SLC8A1: variants seen among roughly 807,000 people sequenced by gnomAD.
SLC8A1 encodes the protein solute carrier family 8 member A1.
Under a neutral mutation model 68.3 loss-of-function variants are expected in SLC8A1, and 18 were observed. The observed-to-expected ratio is 0.26, with a 90% CI of 0.18 to 0.39. The LOEUF (loss-of-function observed/expected upper bound fraction) is 0.39, where lower values mean the gene tolerates loss of function less well. Among genes scored for constraint, SLC8A1 ranks in the 10% least tolerant of loss-of-function variants. The pLI, the probability that SLC8A1 is intolerant of heterozygous loss-of-function variation, is 1.00. For missense variants in SLC8A1, 985 were observed against 1,156.7 expected, an observed-to-expected ratio of 0.85 and a Z score of 2.15; for synonymous variants, 475 against 415.5, an observed-to-expected ratio of 1.14 and a Z score of -1.74.
intron 2 of SLC8A1, among the ~76,000 whole-genome samples, chr2:40,395,610 C>A (rs1686662345): frequency 6.6e-6 from 1 of 152,070 alleles, no homozygotes; most frequent in Admixed American, 6.6e-5. Context: ...AGGTTCCCAT[C>A]TGACATATTT....
chr2:40,415,426 GAA>G (rs564724684), intron 2 of SLC8A1, among the ~76,000 whole-genome samples: 5 of 137,252 alleles, frequency 3.6e-5, no homozygotes, highest in Non-Finnish European at 3.2e-5. Flanking sequence ...AATCCATATG[GAA>G]AAAAAAAAAA....
At chr2:40,324,527 T>C (rs1254072801) in intron 2 of SLC8A1, among the ~76,000 whole-genome samples, 1 of 152,180 alleles carries the variant, frequency 6.6e-6, no homozygotes, top group Non-Finnish European at 1.5e-5. Flanking sequence ...ATGTCATAGA[T>C]TCCTGCTCTA....
At chr2:40,348,794 C>T (rs74518573) in intron 2 of SLC8A1, among the ~76,000 whole-genome samples, 184 of 152,250 alleles carry the variant, frequency 1.2e-3, no homozygotes, top group African/African-American at 4.3e-3. Flanking sequence ...GGTATTCAGT[C>T]TGGAGGAAAG....
At chr2:40,302,260 T>C (rs569416727) in intron 2 of SLC8A1, among the ~76,000 whole-genome samples, 9 of 151,936 alleles carry the variant, frequency 5.9e-5, no homozygotes, top group Non-Finnish European at 1.2e-4. Flanking sequence ...CTAAAATCCA[T>C]TGTATCATTT....
rs554854951 is a variant in SLC8A1, at chr2:40,298,907, C to T, written c.1809-121052G>A. 1.2e-4 allele frequency among the ~76,000 whole-genome samples: 19 copies of T among 152,290 alleles called. No homozygotes were observed. The South Asian group carries it at 3.7e-3, about 30-fold the overall frequency. ...CACTCTGGCCTTGGCCTTATCAATT[C>T]GCCTTCCCCTCCTTGCTGACCCCAC... is the stretch of plus-strand genomic sequence containing the variant. On this transcript the variant is annotated intron_variant, in intron 2 of 7. Coordinates refer to ENST00000406785, the Ensembl canonical transcript of SLC8A1.
At position 40,445,185 on chromosome 2, in the gene SLC8A1, G is replaced by A. The variant is rs528249557; in HGVS notation, c.-25+6719C>T. On this transcript the variant is annotated intron_variant, in intron 1 of 7. Coordinates refer to ENST00000406785, the Ensembl canonical transcript of SLC8A1. ...TTTAATAGATGAAGAAAGTAAACAC[G>A]GAAAAGGCTAAGTAATTAGCACAAT... Among the ~76,000 whole-genome samples, 19 of 152,050 alleles carry A rather than the reference G, an allele frequency of 1.2e-4. No homozygotes were observed. The South Asian group carries it at 2.5e-3, about 20-fold the overall frequency.
At chr2:40,363,973 G>A (rs535587279) in intron 2 of SLC8A1, among the ~76,000 whole-genome samples, 1 of 151,976 alleles carries the variant, frequency 6.6e-6, no homozygotes, top group African/African-American at 2.4e-5. Flanking sequence ...AAAGCACAAT[G>A]TAAGTAGTCT....
chr2:40,504,463 C>G (rs1706240789), intron 1 of SLC8A1, among the ~76,000 whole-genome samples: 1 of 151,848 alleles, frequency 6.6e-6, no homozygotes. Flanking sequence ...TAAATGGGAT[C>G]ACATCAATTT....
At chr2:40,280,664 G>T (rs997708099) in intron 2 of SLC8A1, among the ~76,000 whole-genome samples, 1 of 152,092 alleles carries the variant, frequency 6.6e-6, no homozygotes, top group African/African-American at 2.4e-5. Flanking sequence ...CAGCAAAGAG[G>T]TCACACATCA....
rs1206746170 is a variant in SLC8A1, at chr2:40,139,397, G to C, written c.2437+4C>G. ...GGGGAATTATACATGAATGTAATTTGTACCTGGCACTGATGTTCCAAGTGC... is the reference window on the plus strand; with the variant it reads ...GGGGAATTATACATGAATGTAATTTCTACCTGGCACTGATGTTCCAAGTGC... On this transcript the variant is annotated splice_donor_region_variant and intron_variant, in intron 7 of 7. Coordinates refer to ENST00000406785, the Ensembl canonical transcript of SLC8A1. 5 of 1,613,786 alleles carry C rather than the reference G, an allele frequency of 3.1e-6. No homozygotes were observed. The highest frequency in any genetic ancestry group is 2.5e-6 in the Non-Finnish European group (3 of 1,179,874).
At chr2:40,243,498 A>G (rs927947605) in intron 2 of SLC8A1, among the ~76,000 whole-genome samples, 1 of 152,186 alleles carries the variant, frequency 6.6e-6, no homozygotes, top group Non-Finnish European at 1.5e-5. Flanking sequence ...AGAGAAAAAG[A>G]AAAGAAAGAT....
In SLC8A1 at chr2:40,509,635, T is replaced by C. The variant is rs150159891; in HGVS notation, c.-25+2714A>G. Among the ~76,000 whole-genome samples the C allele has an allele frequency of 1.1e-3, 167 of 152,034 alleles. 2 individuals carry two copies. Among genetic ancestry groups the C allele is most frequent in the African/African-American group, 3.9e-3 (160 of 41,480 alleles). On this transcript the variant is annotated intron_variant, in intron 1 of 7. Transcript: ENST00000402441. ...TCCTCTAAAAAGTGCTTCCTCCTCTTGTTATTGTCACACCATAGACCAGGC... is the reference window on the plus strand; with the variant it reads ...TCCTCTAAAAAGTGCTTCCTCCTCTCGTTATTGTCACACCATAGACCAGGC...
chr2:40,364,333 G>C (rs190713554), intron 2 of SLC8A1, among the ~76,000 whole-genome samples: 2 of 151,982 alleles, frequency 1.3e-5, no homozygotes, highest in Admixed American at 6.6e-5. Flanking sequence ...CACTGGAATT[G>C]TGCAATCACT....
rs542044994 is a variant in SLC8A1 at position 40,254,311 on chromosome 2, G to C, written c.1809-76456C>G. On this transcript the variant is annotated intron_variant, in intron 2 of 7. Transcript: ENST00000406785. The stretch of plus-strand genomic sequence containing the variant: ...AATGAATGCCACACCTTGTGAGACA[G>C]CATGCAAAACTCAGTTTCAGAGCTG... 98 of 149,868 alleles carry C rather than the reference G, an allele frequency of 6.5e-4. 1 individual carries two copies. The highest frequency in any genetic ancestry group is 1.9e-3 in the African/African-American group (73 of 39,410). The allele number at this position is 149,868 out of a possible 1,614,324, so 9.3% of individuals were successfully genotyped here. A position where few individuals can be genotyped will look rare whatever the true frequency, so the allele number is the denominator to read the frequency against.
chr2:40,299,313 C>T (rs1342114963), intron 2 of SLC8A1, among the ~76,000 whole-genome samples: 1 of 152,134 alleles, frequency 6.6e-6, no homozygotes, highest in Non-Finnish European at 1.5e-5. Flanking sequence ...AGTGATCTGC[C>T]TGCATTCTAC....
chr2:40,200,222 T>TATATATATAAATATATATATATA (rs1558722368), intron 2 of SLC8A1, among the ~76,000 whole-genome samples: 2 of 5,172 alleles, frequency 3.9e-4, no homozygotes, highest in African/African-American at 9.3e-4. Context: ...ATATATATTT[T>TATATATATAAATATATATATATA]TTTATATATA....
intron 2 of SLC8A1, among the ~76,000 whole-genome samples, chr2:40,226,587 C>T (rs1005860287): frequency 1.3e-5 from 2 of 152,106 alleles, no homozygotes; most frequent in African/African-American, 4.8e-5. Flanking sequence ...GGTCTAGATT[C>T]TTCCACCTTG....
intron 2 of SLC8A1, among the ~76,000 whole-genome samples, chr2:40,321,190 C>T (rs2075140939): frequency 6.6e-6 from 1 of 152,064 alleles, no homozygotes. Flanking sequence ...TCGTACAAAT[C>T]CAACAGCTGT....
chr2:40,229,222 T>G (rs1301154931), intron 2 of SLC8A1, among the ~76,000 whole-genome samples: 1 of 152,096 alleles, frequency 6.6e-6, no homozygotes, highest in Non-Finnish European at 1.5e-5. Flanking sequence ...GGAAGAGGTA[T>G]CAATTAGAGA....
Sources: gnomAD v4.1 joint callset for allele counts (sites outside exome capture counted in the v4.1 genomes callset) on GRCh38, gnomAD v4.1.1 for gene constraint, MANE v1.5 for transcripts, NCBI Gene and HGNC (gene_info 2026-07-23, HGNC 2026-07-21) for gene names.